Variants in TPRA1 observed in about 807,000 individuals in gnomAD.
The protein encoded by TPRA1 is transmembrane protein adipocyte-associated 1.
TPRA1 carries 28 observed loss-of-function variants against 40.1 expected under a neutral mutation model. The observed-to-expected ratio is 0.70, with a 90% CI of 0.52 to 0.96. TPRA1 has a LOEUF of 0.96. Among genes scored for constraint, TPRA1 ranks in the 40% least tolerant of loss-of-function variants. The pLI is 0.00. For missense variants in TPRA1, 441 were observed against 482.6 expected, an observed-to-expected ratio of 0.91 and a Z score of 0.81; for synonymous variants, 219 against 209.7, an observed-to-expected ratio of 1.04 and a Z score of -0.38.
intron 1 of TPRA1, among the ~76,000 whole-genome samples, chr3:127,586,825 G>C (rs2074016196): frequency 1.3e-5 from 2 of 152,224 alleles, no homozygotes; most frequent in Admixed American, 6.5e-5. Context: ...GGCCCCTTGA[G>C]GCACAGAGGC....
At chr3:127,577,571 T>C (rs1306479826) in intron 3 of TPRA1, among the ~76,000 whole-genome samples, 1 of 152,038 alleles carries the variant, frequency 6.6e-6, no homozygotes, top group Non-Finnish European at 1.5e-5. Flanking sequence ...ACCGTATTCA[T>C]GGTTTTAATT....
At position 127,573,620 on chromosome 3, in the gene TPRA1, G is replaced by A. The variant is rs373283655; in HGVS notation, c.1023C>T (p.Ala341=). Residue 341 remains alanine (A), a synonymous_variant, in exon 11 of 11, where the codon GCC becomes GCT. Coordinates refer to ENST00000355552, the MANE Select transcript of TPRA1 (RefSeq NM_001136053.4). ...ASYSSTQFDS[A]GGVAYLDDIA... ...TGTCATCCAGGTAGGCCACCCCGCC[G>A]GCAGAGTCGAACTGCGTGCTCGAGT... 44 of 1,613,296 alleles carry A rather than the reference G, an allele frequency of 2.7e-5. No individual in the cohort carries two copies. The African/African-American group carries it at 3.3e-4, about 12-fold the overall frequency.
chr3:127,588,147 C>T (rs1237556015), intron 1 of TPRA1: 2 of 152,362 alleles, frequency 1.3e-5, no homozygotes, highest in Admixed American at 6.5e-5. Flanking sequence ...CTCTCCAGGC[C>T]TCGGCTTCTC....
intron 3 of TPRA1, among the ~76,000 whole-genome samples, chr3:127,578,057 G>GC (rs1194157140): frequency 6.6e-6 from 1 of 152,218 alleles, no homozygotes; most frequent in African/African-American, 2.4e-5. Flanking sequence ...GCACTGCTGT[G>GC]CCCCCAAATC....
In TPRA1 at chr3:127,575,055, T is replaced by C. The variant is rs527853323; in HGVS notation, c.854+130A>G. 9.4e-6 allele frequency: 9 copies of C among 959,008 alleles called. No homozygotes were observed. In the African/African-American group the frequency reaches 9.9e-5, roughly 11 times the overall value. 59.4% of individuals were successfully genotyped at this position (959,008 alleles called of 1,614,324 possible). On this transcript the variant is annotated intron_variant, in intron 10 of 10. Transcript: ENST00000355552. ...ATCTGTATGTGTGTGCCCAAGTGCA[T>C]GTATGTATGTGCGTGCGCATGCGCA... is the stretch of plus-strand genomic sequence containing the variant.
chr3:127,578,505 G>A (rs536391270), intron 3 of TPRA1, among the ~76,000 whole-genome samples: 2 of 152,248 alleles, frequency 1.3e-5, no homozygotes, highest in South Asian at 2.1e-4. Context: ...TATGTTCCTG[G>A]ACATTTAGCC....
chr3:127,575,287 G>A (rs1406716041), intron 9 of TPRA1, 22 bp from the exon 10 acceptor site: 2 of 1,610,580 alleles, frequency 1.2e-6, no homozygotes, highest in Non-Finnish European at 8.5e-7. Flanking sequence ...GCGGGTCAGC[G>A]CGGGGCCTCC....
chr3:127,596,010 G>A (rs1472144414), intron 1 of TPRA1, among the ~76,000 whole-genome samples: 7 of 152,104 alleles, frequency 4.6e-5, no homozygotes, highest in East Asian at 3.8e-4. Context: ...CAGTGGCATC[G>A]TGTCCAGATC....
chr3:127,587,049 G>A (rs1272548625), intron 1 of TPRA1: 2 of 152,178 alleles, frequency 1.3e-5, no homozygotes, highest in Non-Finnish European at 2.9e-5. Flanking sequence ...CACAACCCAG[G>A]GAATGCACCT....
Position 127,572,048 on chromosome 3 carries a change from G to A in TPRA1, c.*1473C>T, listed in dbSNP as rs754247870. 1.2e-4 allele frequency among the ~76,000 whole-genome samples: 19 copies of A among 152,090 alleles called. No individual in the cohort carries two copies. Among genetic ancestry groups the A allele is most frequent in the Middle Eastern group, 3.2e-3 (1 of 314 alleles). ...GCTTTTACATGAGCTGAGAGGCCCC[G>A]ATAAAGTATGCCATTCAGGGGCACC... is the stretch of plus-strand genomic sequence containing the variant. On this transcript the variant is annotated 3_prime_UTR_variant, in exon 11 of 11. Transcript: ENST00000355552.
chr3:127,589,541 CCTGTCCTAAGCCGG>C (rs2074103498), intron 1 of TPRA1, among the ~76,000 whole-genome samples: 1 of 152,094 alleles, frequency 6.6e-6, no homozygotes, highest in Non-Finnish European at 1.5e-5. Flanking sequence ...GCGTGTGGTC[CCTGTCCTAAGCCGG>C]AGACCCCAGT....
intron 1 of TPRA1, among the ~76,000 whole-genome samples, chr3:127,581,636 G>A (rs945578568): frequency 1.4e-4 from 21 of 152,198 alleles, no homozygotes; most frequent in African/African-American, 5.1e-4. Context: ...GATGTGGCCG[G>A]GCGCGGTGGC....
In TPRA1 at chr3:127,576,737, G is replaced by A; in HGVS notation, c.419-41C>T. The A allele has an allele frequency of 1.2e-6, 2 of 1,611,076 alleles. No individual in the cohort carries two copies. Among genetic ancestry groups the A allele is most frequent in the Non-Finnish European group, 1.7e-6 (2 of 1,178,654 alleles). ...TGGTCAGCAGGCAGGAGCCAGCCCA[G>A]GTGACCACTCCAGAGTCAGCCCACA... is the stretch of plus-strand genomic sequence containing the variant. On this transcript the variant is annotated intron_variant, in intron 5 of 10. Coordinates refer to ENST00000355552, the MANE Select transcript of TPRA1 (RefSeq NM_001136053.4). The surrounding 1 kb of genome is among the most constrained non-coding windows in gnomAD (Gnocchi z 4.6).
At position 127,575,193 on chromosome 3, in the gene TPRA1, G is replaced by A; in HGVS notation, c.846C>T (p.Gly282=). ...GGCGGCCACAGACTCACCCGAAGAA[G>A]CCCCGGAGGAAAGCCACGTAGATGA... is the stretch of plus-strand genomic sequence containing the variant. ...APLIYVAFLR[G]FFGSEPKILF... is the part of the protein sequence containing the mutation. The change falls in exon 10 of 11, where the codon GGC becomes GGT. Residue 282 remains glycine, a synonymous_variant. Transcript: ENST00000355552. The A allele has an allele frequency of 1.9e-6, 3 of 1,613,880 alleles. No individual in the cohort carries two copies. Among genetic ancestry groups the A allele is most frequent in the Non-Finnish European group, 2.5e-6 (3 of 1,179,966 alleles).
At position 127,572,213 on chromosome 3, in the gene TPRA1, G is replaced by A. The variant is rs939281098; in HGVS notation, c.*1308C>T. ...GAGCTGTGTTGGAGCTTGTGCCCTCGGCACCCCATTCCCCCCTAAAAAAAA... is the reference window on the plus strand; with the variant it reads ...GAGCTGTGTTGGAGCTTGTGCCCTCAGCACCCCATTCCCCCCTAAAAAAAA... On this transcript the variant is annotated 3_prime_UTR_variant, in exon 11 of 11. Coordinates refer to ENST00000355552, the MANE Select transcript of TPRA1 (RefSeq NM_001136053.4). Among the ~76,000 whole-genome samples the A allele has an allele frequency of 3.9e-5, 6 of 152,104 alleles. No individual in the cohort carries two copies. The highest frequency in any genetic ancestry group is 1.9e-4 in the East Asian group (1 of 5,186).
intron 1 of TPRA1, among the ~76,000 whole-genome samples, chr3:127,596,803 T>C (rs909534603): frequency 3.3e-5 from 5 of 152,148 alleles, no homozygotes; most frequent in Non-Finnish European, 7.3e-5. Context: ...TTTGCTGTCC[T>C]CAATCACCAA....
At chr3:127,579,619 A>G (rs1019672105) in intron 3 of TPRA1, 121 bp downstream of exon 3, 4 of 1,124,740 alleles carry the variant, frequency 3.6e-6, no homozygotes, top group African/African-American at 1.6e-5. Flanking sequence ...GATCCTAACG[A>G]TATCATTTAA....
chr3:127,584,871 C>A, intron 1 of TPRA1, among the ~76,000 whole-genome samples: 1 of 151,956 alleles, frequency 6.6e-6, no homozygotes, highest in East Asian at 1.9e-4. Context: ...AGAGTGAGGT[C>A]TGCTAATTTC....
chr3:127,586,051 A>C (rs2073990607), intron 1 of TPRA1, among the ~76,000 whole-genome samples: 1 of 152,190 alleles, frequency 6.6e-6, no homozygotes, highest in Admixed American at 6.5e-5. Flanking sequence ...GGTCGAAGTC[A>C]AGAAGGGTGG....
Sources: allele counts gnomAD v4.1 joint callset (sites outside exome capture counted in the v4.1 genomes callset), GRCh38; gene constraint gnomAD v4.1.1; non-coding constraint Gnocchi (gnomAD v3.1); transcripts MANE v1.5; gene names NCBI Gene and HGNC (gene_info 2026-07-23, HGNC 2026-07-21).